The following CAMTA1 variants were observed in gnomAD, a reference collection of about 807,000 sequenced individuals.
The protein encoded by CAMTA1 is calmodulin-binding transcription activator 1.
Under a neutral mutation model 170.9 loss-of-function variants are expected in CAMTA1, and 27 were observed. The observed-to-expected ratio is 0.16, with a 90% CI of 0.12 to 0.22. CAMTA1 has a LOEUF of 0.22. CAMTA1 is among the 10% of genes least tolerant of loss of function. The pLI is 1.00. For missense variants in CAMTA1, 1,619 were observed against 2,217.2 expected, an observed-to-expected ratio of 0.73 and a Z score of 5.42; for synonymous variants, 833 against 891.5, an observed-to-expected ratio of 0.93 and a Z score of 1.17.
chr1:7,256,248 C>T (rs1667342691), intron 5 of CAMTA1, among the ~76,000 whole-genome samples: 1 of 152,158 alleles, frequency 6.6e-6, no homozygotes, highest in South Asian at 2.1e-4. Flanking sequence ...ATTAAGCTAG[C>T]TCCATTTTGA....
chr1:7,201,984 C>G (rs553022124), intron 4 of CAMTA1, among the ~76,000 whole-genome samples: 1 of 152,190 alleles, frequency 6.6e-6, no homozygotes, highest in African/African-American at 2.4e-5. Flanking sequence ...AATGTTTATA[C>G]CTATGTTTTC....
At chr1:7,012,847 C>A (rs1700006689) in intron 3 of CAMTA1, among the ~76,000 whole-genome samples, 1 of 152,168 alleles carries the variant, frequency 6.6e-6, no homozygotes, top group South Asian at 2.1e-4. Flanking sequence ...CCGCCATGTG[C>A]CTGCGGGCTG....
Position 7,352,029 on chromosome 1 carries a change from G to A in CAMTA1, c.438+102403G>A, listed in dbSNP as rs578082925. The stretch of plus-strand genomic sequence containing the variant: ...AGAAAATTGAAACCATCGGGAAAGC[G>A]CCAGGTCCAGGATGGCCCAGACAAA... On this transcript the variant is annotated intron_variant, in intron 5 of 22. Coordinates refer to ENST00000303635, the MANE Select transcript of CAMTA1 (RefSeq NM_015215.4). Among the ~76,000 whole-genome samples, 12 of 151,640 alleles carry A rather than the reference G, an allele frequency of 7.9e-5. No individual in the cohort carries two copies. The South Asian group carries it at 1.2e-3, about 16-fold the overall frequency.
At chr1:6,821,687 C>T (rs1256430290) in intron 2 of CAMTA1, among the ~76,000 whole-genome samples, 1 of 152,056 alleles carries the variant, frequency 6.6e-6, no homozygotes, top group African/African-American at 2.4e-5. Flanking sequence ...ATGAATGTAT[C>T]ATTTCTAGAT....
intron 4 of CAMTA1, among the ~76,000 whole-genome samples, chr1:7,107,381 A>C (rs139114456): frequency 3.1e-4 from 47 of 152,006 alleles, no homozygotes; most frequent in Non-Finnish European, 6.5e-4. Flanking sequence ...CGTTGGGAAA[A>C]ACAGCACAGC....
rs564644738 is a variant in CAMTA1 at position 6,934,961 on chromosome 1, C to G, written c.234+109751C>G. Among the ~76,000 whole-genome samples, 1 of 152,284 alleles carries G rather than the reference C, an allele frequency of 6.6e-6. No homozygotes were observed. Among genetic ancestry groups the G allele is most frequent in the East Asian group, 1.9e-4 (1 of 5,190 alleles). On this transcript the variant is annotated intron_variant, in intron 3 of 22. Coordinates refer to ENST00000303635, the MANE Select transcript of CAMTA1 (RefSeq NM_015215.4). This position sits in a 1 kb window ranked among gnomAD's most constrained non-coding sequence, Gnocchi z 4.5. ...CAGGCAGCAAGAGCAACAGATTTCC[C>G]TGCAATATGTTACAAGGGGAAGAAA...
intron 3 of CAMTA1, among the ~76,000 whole-genome samples, chr1:6,908,439 A>G (rs1402392062): frequency 6.6e-6 from 1 of 152,188 alleles, no homozygotes; most frequent in Non-Finnish European, 1.5e-5. Flanking sequence ...TTCAAGAAGT[A>G]TATTTAAAGT....
At position 6,812,013 on chromosome 1, in the gene CAMTA1, A is replaced by G. The variant is rs7554288; in HGVS notation, c.46-8168A>G. On this transcript the variant is annotated intron_variant, in intron 1 of 22. Coordinates refer to ENST00000303635, the MANE Select transcript of CAMTA1 (RefSeq NM_015215.4). ...GGATCTTTAGACAAGATCACCTTCT[A>G]GGTGTATGTGGTAGCATTCTGTTCC... Among the ~76,000 whole-genome samples, 184 of 152,282 alleles carry G rather than the reference A, an allele frequency of 1.2e-3. 1 individual carries two copies. The highest frequency in any genetic ancestry group is 4.3e-3 in the African/African-American group (178 of 41,568).
intron 3 of CAMTA1, among the ~76,000 whole-genome samples, chr1:6,835,054 T>C (rs988416654): frequency 3.3e-5 from 5 of 152,182 alleles, no homozygotes; most frequent in African/African-American, 7.2e-5. Flanking sequence ...GTCAGCATGC[T>C]CAGGGGTTGG....
chr1:7,452,207 G>T (rs968547318), intron 5 of CAMTA1, among the ~76,000 whole-genome samples: 1 of 152,152 alleles, frequency 6.6e-6, no homozygotes, highest in African/African-American at 2.4e-5. Context: ...AGACTCACGG[G>T]GGGTCTGTGT....
In CAMTA1 at chr1:7,652,885, C is replaced by A. The variant is rs560939398; in HGVS notation, c.665-8841C>A. On this transcript the variant is annotated intron_variant, in intron 7 of 22. Transcript: ENST00000303635. ...TTGAATCTGCAGCCCCTCCTCACCC[C>A]CTACGCACCTGCTGTGTGACCTTGG... 5.9e-5 allele frequency among the ~76,000 whole-genome samples: 9 copies of A among 152,204 alleles called. No homozygotes were observed. In the East Asian group the frequency reaches 1.7e-3, roughly 29 times the overall value.
At chr1:7,493,804 A>G (rs950087755) in intron 6 of CAMTA1, among the ~76,000 whole-genome samples, 9 of 152,018 alleles carry the variant, frequency 5.9e-5, no homozygotes, top group Non-Finnish European at 1.2e-4. Context: ...CTGTTGGGAG[A>G]TTTTGTAGTC....
chr1:7,602,125 TTCC>T, intron 6 of CAMTA1, among the ~76,000 whole-genome samples: 1 of 142,316 alleles, frequency 7.0e-6, no homozygotes, highest in Admixed American at 6.9e-5. Flanking sequence ...CCTTCCTTCC[TTCC>T]TTCCTTCCTT....
intron 5 of CAMTA1, among the ~76,000 whole-genome samples, chr1:7,312,017 C>CATCT (rs1371340204): frequency 6.6e-6 from 1 of 152,144 alleles, no homozygotes; most frequent in Non-Finnish European, 1.5e-5. Flanking sequence ...CCCTCTCCAC[C>CATCT]ATCTCCTTGG....
chr1:7,230,769 G>C (rs1292720863), intron 4 of CAMTA1, among the ~76,000 whole-genome samples: 2 of 152,148 alleles, frequency 1.3e-5, no homozygotes, highest in African/African-American at 4.8e-5. Flanking sequence ...CCTGGACCCA[G>C]CCCCAGCCCC....
intron 7 of CAMTA1, 109 bp from the exon 8 acceptor site, chr1:7,661,617 G>A: frequency 7.8e-7 from 1 of 1,277,034 alleles, no homozygotes; most frequent in Non-Finnish European, 1.1e-6. Context: ...CAGCTCCCCA[G>A]CAGTGAGAGG....
intron 6 of CAMTA1, among the ~76,000 whole-genome samples, chr1:7,620,546 AAG>A (rs953242338): frequency 1.3e-5 from 2 of 152,126 alleles, no homozygotes; most frequent in African/African-American, 4.8e-5. Context: ...AACAAAGAAA[AAG>A]AGAGAGAGAG....
At chr1:7,537,004 T>A (rs1418222256) in intron 6 of CAMTA1, among the ~76,000 whole-genome samples, 2 of 152,162 alleles carry the variant, frequency 1.3e-5, no homozygotes, top group Non-Finnish European at 2.9e-5. Flanking sequence ...GGACCAAGCA[T>A]GGTCAGGAAG....
chr1:7,264,018 G>C (rs904941564), intron 5 of CAMTA1, among the ~76,000 whole-genome samples: 1 of 152,204 alleles, frequency 6.6e-6, no homozygotes, highest in Non-Finnish European at 1.5e-5. Context: ...TTAATGCTGA[G>C]AGCCAGGAAC....
Sources: gnomAD v4.1 joint callset for allele counts (sites outside exome capture counted in the v4.1 genomes callset) on GRCh38, gnomAD v4.1.1 for gene constraint, Gnocchi (gnomAD v3.1) non-coding constraint, MANE v1.5 for transcripts, NCBI Gene and HGNC (gene_info 2026-07-23, HGNC 2026-07-21) for gene names.